The following PRKCB variants were observed in gnomAD, a reference collection of about 807,000 sequenced individuals.
PRKCB encodes protein kinase C beta type.
In PRKCB, 13 loss-of-function variants were observed where a neutral mutation model predicts 81.5. That is an observed-to-expected ratio of 0.16 (90% CI 0.10 to 0.25). The LOEUF is 0.25. PRKCB is among the 10% of genes least tolerant of loss of function. The pLI is 1.00. For missense variants in PRKCB, 509 were observed against 875.7 expected, an observed-to-expected ratio of 0.58 and a Z score of 5.29; for synonymous variants, 335 against 321.4, an observed-to-expected ratio of 1.04 and a Z score of -0.45.
intron 5 of PRKCB, among the ~76,000 whole-genome samples, chr16:24,048,494 C>CTTTT (rs35642171): frequency 6.9e-6 from 1 of 144,966 alleles, no homozygotes; most frequent in African/African-American, 2.5e-5. Flanking sequence ...TCTTTTCTTT[C>CTTTT]TTTTTTTTTT....
intron 2 of PRKCB, among the ~76,000 whole-genome samples, chr16:23,864,102 G>A (rs1962731175): frequency 6.6e-6 from 1 of 152,018 alleles, no homozygotes; most frequent in African/African-American, 2.4e-5. Flanking sequence ...TTAACCCATA[G>A]AGCCACAAAA....
At chr16:24,098,956 G>A (rs1966472650) in intron 7 of PRKCB, 1 of 152,150 alleles carries the variant, frequency 6.6e-6, no homozygotes, top group Non-Finnish European at 1.5e-5. Flanking sequence ...ACATGCAAAT[G>A]ACTTGACTTT....
At position 24,084,866 on chromosome 16, in the gene PRKCB, G is replaced by A. The variant is rs575243547; in HGVS notation, c.530-7925G>A. On this transcript the variant is annotated intron_variant, in intron 5 of 16. Coordinates refer to ENST00000643927, the MANE Select transcript of PRKCB (RefSeq NM_002738.7). ...CCAATAGGTTTGACAAGCAGTGTGCGGGACTTTGCTGTGGTTGGAGATCAT... is the reference window on the plus strand; with the variant it reads ...CCAATAGGTTTGACAAGCAGTGTGCAGGACTTTGCTGTGGTTGGAGATCAT... Among the ~76,000 whole-genome samples the A allele has an allele frequency of 5.9e-5, 9 of 152,254 alleles. No homozygotes were observed. In the South Asian group the frequency reaches 1.7e-3, roughly 28 times the overall value.
Position 24,218,816 on chromosome 16 carries a change from G to T in PRKCB, c.*4000G>T. On this transcript the variant is annotated 3_prime_UTR_variant, in exon 17 of 17. Coordinates refer to ENST00000643927, the MANE Select transcript of PRKCB (RefSeq NM_002738.7). Reference sequence around the variant, plus strand: ...ATGTGCAGGGCACTAGGGAATACAAGGCCTTCTTCCCTGGTTGTCTTGTAA... The same window carrying T: ...ATGTGCAGGGCACTAGGGAATACAATGCCTTCTTCCCTGGTTGTCTTGTAA... 1 of 985,438 alleles carries T rather than the reference G, an allele frequency of 1.0e-6. No homozygotes were observed. Among genetic ancestry groups the T allele is most frequent in the Non-Finnish European group, 1.2e-6 (1 of 829,950 alleles). The allele number at this position is 985,438 out of a possible 1,614,324, so 61.0% of individuals were successfully genotyped here.
intron 3 of PRKCB, among the ~76,000 whole-genome samples, chr16:24,022,744 C>G (rs1287388292): frequency 6.6e-6 from 1 of 152,216 alleles, no homozygotes; most frequent in East Asian, 1.9e-4. Flanking sequence ...CCGCCTGCCT[C>G]GGACTCCCAA....
chr16:23,940,861 A>G (rs1233105174), intron 2 of PRKCB, among the ~76,000 whole-genome samples: 1 of 152,110 alleles, frequency 6.6e-6, no homozygotes, highest in Non-Finnish European at 1.5e-5. Flanking sequence ...TTACTCTCTC[A>G]GTCTCAATCT....
chr16:24,117,548 C>T (rs1276107080), intron 8 of PRKCB, among the ~76,000 whole-genome samples: 3 of 152,070 alleles, frequency 2.0e-5, no homozygotes, highest in Non-Finnish European at 2.9e-5. Flanking sequence ...ACTATTATCA[C>T]GCTATTTTAC....
chr16:23,925,313 C>T (rs900087570), intron 2 of PRKCB, among the ~76,000 whole-genome samples: 5 of 152,146 alleles, frequency 3.3e-5, no homozygotes, highest in Non-Finnish European at 7.4e-5. Flanking sequence ...TAGTGGATCA[C>T]TCCTCTCTCC....
intron 15 of PRKCB, among the ~76,000 whole-genome samples, chr16:24,186,859 G>A (rs1199972831): frequency 6.6e-6 from 1 of 152,230 alleles, no homozygotes; most frequent in African/African-American, 2.4e-5. Flanking sequence ...TATCCCTGGG[G>A]AAACCACCTG....
intron 16 of PRKCB, chr16:24,203,279 T>G (rs1967988831): frequency 6.6e-6 from 1 of 150,984 alleles, no homozygotes. Context: ...TAACTTACAA[T>G]GAAAAGAAAT....
chr16:23,965,689 T>C (rs1964478662), intron 2 of PRKCB, among the ~76,000 whole-genome samples: 1 of 152,318 alleles, frequency 6.6e-6, no homozygotes, highest in African/African-American at 2.4e-5. Flanking sequence ...GAGCTCCAGC[T>C]GAAGTCATCT....
At chr16:23,947,848 C>T (rs1964223470) in intron 2 of PRKCB, among the ~76,000 whole-genome samples, 1 of 149,318 alleles carries the variant, frequency 6.7e-6, no homozygotes, top group Admixed American at 6.7e-5. Context: ...TAATGGGAGA[C>T]ACTTGTCATT....
Position 24,094,371 on chromosome 16 carries a change from T to C in PRKCB, c.821+74T>C, listed in dbSNP as rs565614049. On this transcript the variant is annotated intron_variant, in intron 7 of 16. Coordinates refer to ENST00000643927, the MANE Select transcript of PRKCB (RefSeq NM_002738.7). Reference sequence around the variant, plus strand: ...ACGCGGGGTCAAGTATGTTTTCCTTTTTCTCCAAAAATTGAAATACTAAAA... The same window carrying C: ...ACGCGGGGTCAAGTATGTTTTCCTTCTTCTCCAAAAATTGAAATACTAAAA... 3.4e-4 allele frequency: 528 copies of C among 1,549,408 alleles called. 4 individuals carry two copies. In the South Asian group the frequency reaches 6.0e-3, roughly 18 times the overall value.
In PRKCB at chr16:24,172,681, A is replaced by C. The variant is rs113741545; in HGVS notation, c.1331+320A>C. Among the ~76,000 whole-genome samples, 1,088 of 152,184 alleles carry C rather than the reference A, an allele frequency of 7.1e-3. 10 individuals carry two copies. The highest frequency in any genetic ancestry group is 0.024 in the African/African-American group (1,017 of 41,516). On this transcript the variant is annotated intron_variant, in intron 11 of 16. Transcript: ENST00000643927. Reference sequence around the variant, plus strand: ...GGCACCATGACGAGATCTCGTCTCTATAAAAAATAAAAAACTTAGCTGGGC... The same window carrying C: ...GGCACCATGACGAGATCTCGTCTCTCTAAAAAATAAAAAACTTAGCTGGGC...
intron 1 of PRKCB, 105 bp downstream of exon 1, chr16:23,836,453 G>A: frequency 1.4e-6 from 2 of 1,462,790 alleles, no homozygotes; most frequent in Non-Finnish European, 1.8e-6. Flanking sequence ...CCGCACCCTG[G>A]GACCCCGCGT....
intron 2 of PRKCB, among the ~76,000 whole-genome samples, chr16:23,855,053 C>T (rs1407516555): frequency 5.3e-5 from 8 of 151,996 alleles, no homozygotes; most frequent in South Asian, 2.1e-4. Context: ...CAAATACTAC[C>T]GTTACTACCA....
chr16:23,929,787 C>A (rs1963946407), intron 2 of PRKCB, among the ~76,000 whole-genome samples: 1 of 151,722 alleles, frequency 6.6e-6, no homozygotes, highest in Admixed American at 6.6e-5. Context: ...TTTGATAAAA[C>A]CTTAGGGAAA....
intron 9 of PRKCB, among the ~76,000 whole-genome samples, chr16:24,124,715 C>T (rs1382941844): frequency 6.6e-6 from 1 of 152,142 alleles, no homozygotes; most frequent in African/African-American, 2.4e-5. Flanking sequence ...TTGCGTGCCA[C>T]AAAGATGTCT....
chr16:24,150,610 A>AT (rs1967065184), intron 9 of PRKCB, among the ~76,000 whole-genome samples: 1 of 152,180 alleles, frequency 6.6e-6, no homozygotes, highest in South Asian at 2.1e-4. Flanking sequence ...AACTGCAGTC[A>AT]TTTTTTATCA....
Sources: gnomAD v4.1 joint callset for allele counts (sites outside exome capture counted in the v4.1 genomes callset) on GRCh38, gnomAD v4.1.1 for gene constraint, MANE v1.5 for transcripts, NCBI Gene and HGNC (gene_info 2026-07-23, HGNC 2026-07-21) for gene names.